The following DLG2 variants were observed in gnomAD, a reference collection of about 807,000 sequenced individuals.
The protein encoded by DLG2 is discs large MAGUK scaffold protein 2, also known as disks large homolog 2.
In DLG2, 45 loss-of-function variants were observed where a neutral mutation model predicts 132.5. The ratio of observed to expected loss-of-function variants is 0.34; its 90% CI spans 0.27 to 0.44. The LOEUF (loss-of-function observed/expected upper bound fraction) is 0.44, where lower values mean the gene tolerates loss of function less well. DLG2 is among the 20% of genes least tolerant of loss of function. The pLI is 1.00. For synonymous variants in DLG2, 424 were observed against 419.6 expected, an observed-to-expected ratio of 1.01 and a Z score of -0.13; for missense variants, 1,045 against 1,196.9, an observed-to-expected ratio of 0.87 and a Z score of 1.87.
At position 85,418,203 on chromosome 11, in the gene DLG2, CA is replaced by C. The variant is rs1209545256; in HGVS notation, c.41-132839del. 7.9e-5 allele frequency among the ~76,000 whole-genome samples: 12 copies of C among 152,102 alleles called. No homozygotes were observed. The South Asian group carries it at 1.0e-3, about 13-fold the overall frequency. ...TTCTGCCTTAATTTTGTTATTTACC[CA>C]GTAGTCACTCAGGAGTAGGTTGTTC... On this transcript the variant is annotated intron_variant, in intron 3 of 27. Transcript: ENST00000376104.
chr11:85,160,131 G>A (rs140168830), intron 4 of DLG2, among the ~76,000 whole-genome samples: 1 of 152,286 alleles, frequency 6.6e-6, no homozygotes, highest in African/African-American at 2.4e-5. Context: ...CAAGAAGGAG[G>A]CACAATGCCT....
chr11:85,365,665 A>G (rs1394536365), intron 3 of DLG2, among the ~76,000 whole-genome samples: 1 of 152,204 alleles, frequency 6.6e-6, no homozygotes, highest in Admixed American at 6.5e-5. Flanking sequence ...TCACAATAGC[A>G]AAGACTTGGA....
chr11:84,638,730 G>C (rs902786235), intron 6 of DLG2, among the ~76,000 whole-genome samples: 1 of 152,108 alleles, frequency 6.6e-6, no homozygotes, highest in Non-Finnish European at 1.5e-5. Flanking sequence ...ACTCACCATG[G>C]GACTTAACAC....
chr11:85,054,854 G>C (rs961858369), intron 6 of DLG2, among the ~76,000 whole-genome samples: 3 of 152,082 alleles, frequency 2.0e-5, no homozygotes, highest in African/African-American at 7.2e-5. Context: ...AGACACTGAG[G>C]ACTACTAGAC....
chr11:83,879,947 A>G (rs763507900), intron 15 of DLG2, among the ~76,000 whole-genome samples: 2 of 152,208 alleles, frequency 1.3e-5, no homozygotes, highest in Non-Finnish European at 2.9e-5. Context: ...GTTTGGAAGA[A>G]TATATAAGTA....
At chr11:83,655,981 C>T (rs2072292716) in intron 18 of DLG2, among the ~76,000 whole-genome samples, 1 of 152,224 alleles carries the variant, frequency 6.6e-6, no homozygotes, top group Non-Finnish European at 1.5e-5. Flanking sequence ...AGGAATTCTG[C>T]AGGTGCAACT....
chr11:84,713,291 C>T (rs1444166895), intron 6 of DLG2, among the ~76,000 whole-genome samples: 1 of 152,066 alleles, frequency 6.6e-6, no homozygotes, highest in Non-Finnish European at 1.5e-5. Flanking sequence ...CTTAAACCAC[C>T]TGCACCCCAA....
At chr11:83,869,528 C>T (rs1028589061) in intron 16 of DLG2, among the ~76,000 whole-genome samples, 10 of 152,164 alleles carry the variant, frequency 6.6e-5, no homozygotes, top group Admixed American at 3.3e-4. Context: ...TGGTACATGG[C>T]TGTCCCTATG....
At chr11:85,392,876 G>A (rs182088940) in intron 3 of DLG2, among the ~76,000 whole-genome samples, 14 of 152,186 alleles carry the variant, frequency 9.2e-5, no homozygotes, top group African/African-American at 3.4e-4. Context: ...AAAAATTCTA[G>A]AAGATAACAT....
chr11:84,640,131 C>T, intron 6 of DLG2: 1 of 305,742 alleles, frequency 3.3e-6, no homozygotes, highest in Non-Finnish European at 6.2e-6. Flanking sequence ...AGAACTCAGT[C>T]TCCTTGGAAA....
intron 7 of DLG2, among the ~76,000 whole-genome samples, chr11:84,373,561 C>A (rs992266435): frequency 1.3e-5 from 2 of 151,178 alleles, no homozygotes; most frequent in South Asian, 4.2e-4. Context: ...CAGAGCAAGA[C>A]TCTGTCTAAA....
intron 7 of DLG2, among the ~76,000 whole-genome samples, chr11:84,518,331 TA>T (rs1173269446): frequency 1.3e-5 from 2 of 151,596 alleles, no homozygotes; most frequent in Non-Finnish European, 2.9e-5. Flanking sequence ...ACAGAGAAAC[TA>T]AAAAAGAGAA....
intron 7 of DLG2, among the ~76,000 whole-genome samples, chr11:84,488,937 A>AG (rs1427399243): frequency 5.3e-5 from 8 of 152,188 alleles, no homozygotes; most frequent in South Asian, 4.1e-4. Flanking sequence ...TATTCAGGTA[A>AG]GGTATATTCA....
intron 4 of DLG2, among the ~76,000 whole-genome samples, chr11:85,226,825 CT>C (rs978151489): frequency 6.6e-6 from 1 of 152,138 alleles, no homozygotes; most frequent in African/African-American, 2.4e-5. Context: ...CCTATCCCTG[CT>C]CTTTTAGTGA....
chr11:84,071,089 C>T (rs912138195), intron 10 of DLG2, among the ~76,000 whole-genome samples: 2 of 151,654 alleles, frequency 1.3e-5, no homozygotes, highest in African/African-American at 4.8e-5. Flanking sequence ...TAATTAATTA[C>T]TTTGTATTTA....
At chr11:83,577,747 A>AAATATATAT (rs2096901157) in intron 19 of DLG2, among the ~76,000 whole-genome samples, 1 of 127,512 alleles carries the variant, frequency 7.8e-6, no homozygotes, top group Admixed American at 8.6e-5. Flanking sequence ...AGGATATTAT[A>AAATATATAT]AATATATAAT....
Position 84,028,259 on chromosome 11 carries a change from T to A in DLG2, c.919+31056A>T, listed in dbSNP as rs181202805. On this transcript the variant is annotated intron_variant, in intron 11 of 27. Coordinates refer to ENST00000376104, the MANE Select transcript of DLG2 (RefSeq NM_001142699.3). Reference sequence around the variant, plus strand: ...CGAACAAATATAGAGTCATGATTTGTGTGTATTGATAATATCTGTCCTTCA... The same window carrying A: ...CGAACAAATATAGAGTCATGATTTGAGTGTATTGATAATATCTGTCCTTCA... 2.0e-5 allele frequency among the ~76,000 whole-genome samples: 3 copies of A among 152,218 alleles called. No individual in the cohort carries two copies. The East Asian group carries it at 5.8e-4, about 29-fold the overall frequency.
intron 6 of DLG2, among the ~76,000 whole-genome samples, chr11:85,098,996 A>G (rs1424486947): frequency 6.6e-6 from 1 of 152,198 alleles, no homozygotes; most frequent in East Asian, 1.9e-4. Flanking sequence ...ATCTAGGCTT[A>G]TAATTTTATA....
rs967755052 is a variant in DLG2 at position 83,706,870 on chromosome 11, T to A, written c.1826-73545A>T. On this transcript the variant is annotated intron_variant, in intron 18 of 27. Transcript: ENST00000376104. ...TGCTACAGCAATGCCTTGAGTTAGT[T>A]TGGCAGAAAAAATGCAAGACTGAGT... Among the ~76,000 whole-genome samples the A allele has an allele frequency of 2.0e-5, 3 of 152,176 alleles. 1 individual carries two copies. In the South Asian group the frequency reaches 6.2e-4, roughly 32 times the overall value.
Sources: gnomAD v4.1 joint callset for allele counts (sites outside exome capture counted in the v4.1 genomes callset) on GRCh38, gnomAD v4.1.1 for gene constraint, MANE v1.5 for transcripts, NCBI Gene and HGNC (gene_info 2026-07-23, HGNC 2026-07-21) for gene names.